FKBP6: variants seen among roughly 807,000 people sequenced by gnomAD.
The protein encoded by FKBP6 is FKBP prolyl isomerase family member 6 (inactive).
A neutral mutation model predicts 41.7 loss-of-function variants in FKBP6; 29 were observed. That is an observed-to-expected ratio of 0.70 (90% CI 0.52 to 0.95). The LOEUF is 0.95. FKBP6 is among the 40% of genes least tolerant of loss of function. FKBP6 has a pLI of 0.00. For synonymous variants in FKBP6, 130 were observed against 165.1 expected, an observed-to-expected ratio of 0.79 and a Z score of 1.63; for missense variants, 338 against 408.7, an observed-to-expected ratio of 0.83 and a Z score of 1.49.
At chr7:73,357,269 G>GTTTTTTTTTTTT (rs11430645) in intron 8 of FKBP6, among the ~76,000 whole-genome samples, 1 of 96,820 alleles carries the variant, frequency 1.0e-5, no homozygotes, top group Non-Finnish European at 2.0e-5. Flanking sequence ...GTTTGGTTTG[G>GTTTTTTTTTTTT]TTTTTTTTTT....
intron 8 of FKBP6, among the ~76,000 whole-genome samples, chr7:73,343,289 G>A (rs930382174): frequency 6.6e-6 from 1 of 152,124 alleles, no homozygotes; most frequent in Non-Finnish European, 1.5e-5. Flanking sequence ...CTGAGTAGCC[G>A]AGATTACAGC....
chr7:73,354,453 C>T (rs782512767), intron 8 of FKBP6, among the ~76,000 whole-genome samples: 3 of 152,122 alleles, frequency 2.0e-5, no homozygotes, highest in Non-Finnish European at 2.9e-5. Context: ...TCTGAGAAGC[C>T]GCCTGGCAGG....
At chr7:73,337,274 A>G (rs1272654220) in intron 5 of FKBP6, among the ~76,000 whole-genome samples, 3 of 149,138 alleles carry the variant, frequency 2.0e-5, no homozygotes, top group African/African-American at 5.0e-5. Context: ...CTGTGCTGCC[A>G]TCTCCTGACA....
intron 2 of FKBP6, 82 bp downstream of exon 2, chr7:73,328,774 C>T (rs541642662): frequency 3.4e-5 from 55 of 1,608,114 alleles, no homozygotes; most frequent in South Asian, 4.4e-5. Context: ...TCAAAAAGCA[C>T]TTAATGGGGT....
At chr7:73,332,347 G>T (rs1003277765) in intron 5 of FKBP6, among the ~76,000 whole-genome samples, 4 of 152,042 alleles carry the variant, frequency 2.6e-5, no homozygotes, top group Admixed American at 6.6e-5. Context: ...GCCGGGCGTG[G>T]TGGTGGGTGC....
chr7:73,342,812 A>G lies in FKBP6; in HGVS notation c.899A>G (p.Tyr300Cys), dbSNP rs781855078. The part of the protein sequence containing the change: ...NNELKKLASC[Y>C]RDYVDKEKEM... ...GTGTGTATTTCCCTCTCCAGCTGTT[A>G]CAGGGACTATGTGGATAAAGAGAAA... The change falls in exon 8 of 9, where the codon TAC becomes TGC. Residue 300 changes from tyrosine (Y) to cysteine (C), a missense_variant. Coordinates refer to ENST00000252037, the MANE Select transcript of FKBP6 (RefSeq NM_003602.5). The G allele has an allele frequency of 6.2e-7, 1 of 1,611,532 alleles. No individual in the cohort carries two copies.
chr7:73,342,758 C>T, intron 7 of FKBP6, 49 bp from the exon 8 acceptor site: 4 of 1,289,858 alleles, frequency 3.1e-6, no homozygotes, highest in Non-Finnish European at 4.5e-6. Flanking sequence ...CAGATGTCAC[C>T]TCCTCCAAAC....
rs1305541282 is a variant in FKBP6, at chr7:73,337,710, CTTG to C, written c.589-2921_589-2919del. ...TTTTTTTTGTTTTACTATTTTTTTT[CTTG>C]TTGTTGAGATATGATTCACATACCA... On this transcript the variant is annotated intron_variant, in intron 5 of 8. Coordinates refer to ENST00000252037, the MANE Select transcript of FKBP6 (RefSeq NM_003602.5). 7.9e-5 allele frequency among the ~76,000 whole-genome samples: 12 copies of C among 151,104 alleles called. No homozygotes were observed. The East Asian group carries it at 1.4e-3, about 17-fold the overall frequency.
chr7:73,344,088 T>C (rs1317334598), intron 8 of FKBP6, among the ~76,000 whole-genome samples: 1 of 152,216 alleles, frequency 6.6e-6, no homozygotes, highest in African/African-American at 2.4e-5. Context: ...GAGTACATAT[T>C]TGCAGGTCTT....
intron 5 of FKBP6, among the ~76,000 whole-genome samples, chr7:73,333,207 G>T (rs1459662958): frequency 5.3e-5 from 8 of 151,162 alleles, no homozygotes; most frequent in Non-Finnish European, 8.8e-5. Flanking sequence ...GGAGGCGGAG[G>T]TTGCAATGAG....
chr7:73,335,516 G>A (rs2115859853), intron 5 of FKBP6, among the ~76,000 whole-genome samples: 1 of 152,288 alleles, frequency 6.6e-6, no homozygotes, highest in South Asian at 2.1e-4. Flanking sequence ...CCTTCCTGCT[G>A]TCTGCTCCAG....
intron 5 of FKBP6, 90 bp downstream of exon 5, chr7:73,331,866 T>C: frequency 7.1e-7 from 1 of 1,412,638 alleles, no homozygotes. Context: ...GTGATTTTTG[T>C]TTTGTTTTGT....
intron 5 of FKBP6, 138 bp downstream of exon 5, chr7:73,331,914 A>T (rs1435780977): frequency 1.2e-6 from 1 of 843,602 alleles, no homozygotes; most frequent in Non-Finnish European, 1.9e-6. Context: ...CCCAGGCTGG[A>T]GTGCAGTGGC....
At position 73,328,659 on chromosome 7, in the gene FKBP6, G is replaced by A. The variant is rs1554546845; in HGVS notation, c.142G>A (p.Gly48Arg). Reference sequence around the variant, plus strand: ...GAAGGACGTCATCCGAGAAGGAGCTGGAGACCTAGTGGCGCCTGATGCTTC... The same window carrying A: ...GAAGGACGTCATCCGAGAAGGAGCTAGAGACCTAGTGGCGCCTGATGCTTC... ...VLKDVIREGA[G>R]DLVAPDASVL... Residue 48 changes from glycine (G) to arginine (R), a missense_variant, in exon 2 of 9, where the codon GGA becomes AGA. By Grantham distance (125) the Gly-to-Arg change is moderately radical. Around this residue, in one of 2 missense-constraint regions of FKBP6, gnomAD observed 99 missense variants for 158.6 expected, o/e 0.62. Transcript: ENST00000252037. The A allele has an allele frequency of 1.9e-5, 30 of 1,611,796 alleles. No individual in the cohort carries two copies. The highest frequency in any genetic ancestry group is 2.3e-5 in the Non-Finnish European group (27 of 1,179,836).
intron 5 of FKBP6, among the ~76,000 whole-genome samples, chr7:73,333,271 CAAA>C (rs201812607): frequency 1.7e-5 from 2 of 114,502 alleles, no homozygotes; most frequent in Admixed American, 9.0e-5. Flanking sequence ...ATTCTGTCTC[CAAA>C]AAAAAAAAAA....
chr7:73,329,280 G>A, intron 2 of FKBP6, 80 bp from the exon 3 acceptor site: 1 of 845,334 alleles, frequency 1.2e-6, no homozygotes, highest in Non-Finnish European at 2.1e-6. Flanking sequence ...CATTGTTTCT[G>A]TGTGATCATG....
chr7:73,350,095 C>T (rs879963196), intron 8 of FKBP6, among the ~76,000 whole-genome samples: 8 of 152,092 alleles, frequency 5.3e-5, no homozygotes, highest in Non-Finnish European at 1.0e-4. Context: ...TGTCACAGTC[C>T]ACCCCCTGCT....
chr7:73,329,286 T>G (rs1804751876), intron 2 of FKBP6, 74 bp from the exon 3 acceptor site: 5 of 861,952 alleles, frequency 5.8e-6, no homozygotes, highest in Non-Finnish European at 1.0e-5. Context: ...TTCTGTGTGA[T>G]CATGAGAGAC....
intron 8 of FKBP6, among the ~76,000 whole-genome samples, chr7:73,356,638 C>A (rs975682724): frequency 2.0e-5 from 3 of 152,204 alleles, no homozygotes; most frequent in Non-Finnish European, 4.4e-5. Context: ...TTCTCTATAA[C>A]CAAACACCTT....
Sources: gnomAD v4.1 joint callset for allele counts (sites outside exome capture counted in the v4.1 genomes callset) on GRCh38, gnomAD v4.1.1 for gene constraint, gnomAD v4.1.1 regional missense constraint, MANE v1.5 for transcripts, NCBI Gene and HGNC (gene_info 2026-07-23, HGNC 2026-07-21) for gene names.